The following CLYBL variants were observed in gnomAD, a reference collection of about 807,000 sequenced individuals.
CLYBL encodes the protein citramalyl-CoA lyase, mitochondrial.
A neutral mutation model predicts 38.9 loss-of-function variants in CLYBL; 31 were observed. The observed-to-expected ratio is 0.80, with a 90% confidence interval of 0.60 to 1.08. The LOEUF is 1.08. Among genes scored for constraint, CLYBL ranks in the 50% least tolerant of loss-of-function variants. The probability of loss-of-function intolerance (pLI) is 0.00; values close to 1 mark genes in which losing one functional copy is unlikely to be tolerated. For missense variants in CLYBL, 434 were observed against 411.6 expected (o/e 1.05, Z -0.47); for synonymous variants, 171 against 158.6 (o/e 1.08, Z -0.59).
At chr13:99,850,692 T>C (rs1027787366) in intron 2 of CLYBL, among the ~76,000 whole-genome samples, 2 of 152,006 alleles carry the variant, frequency 1.3e-5, no homozygotes, top group African/African-American at 4.8e-5. Flanking sequence ...CCAAAAGAAT[T>C]GAAAAGAGGG....
intron 1 of CLYBL, among the ~76,000 whole-genome samples, chr13:99,735,264 G>C (rs146566073): frequency 4.9e-4 from 74 of 152,296 alleles, no homozygotes; most frequent in African/African-American, 1.7e-3. Context: ...TGTGATCATA[G>C]CTCACTGCAG....
chr13:99,847,007 C>G (rs1182840945), intron 2 of CLYBL, among the ~76,000 whole-genome samples: 6 of 152,064 alleles, frequency 3.9e-5, no homozygotes, highest in Admixed American at 3.9e-4. Flanking sequence ...TTTTTGATAT[C>G]TGTGTGAAGG....
intron 1 of CLYBL, among the ~76,000 whole-genome samples, chr13:99,747,579 T>C (rs2048876241): frequency 6.6e-6 from 1 of 152,162 alleles, no homozygotes; most frequent in African/African-American, 2.4e-5. Flanking sequence ...CTCTCTGTTT[T>C]CATGGAAAAA....
intron 1 of CLYBL, among the ~76,000 whole-genome samples, chr13:99,744,036 G>A (rs1354380694): frequency 2.2e-5 from 3 of 139,170 alleles, no homozygotes; most frequent in Admixed American, 7.9e-5. Flanking sequence ...GCGGTGGCGC[G>A]ATATCAGCTC....
At chr13:99,721,003 A>G (rs922559469) in intron 1 of CLYBL, among the ~76,000 whole-genome samples, 1 of 147,650 alleles carries the variant, frequency 6.8e-6, no homozygotes, top group Non-Finnish European at 1.5e-5. Flanking sequence ...CATGTCCTGT[A>G]TGATTTCCCC....
chr13:99,780,759 G>C (rs1383010244), intron 2 of CLYBL, among the ~76,000 whole-genome samples: 3 of 148,162 alleles, frequency 2.0e-5, no homozygotes, highest in Admixed American at 1.4e-4. Flanking sequence ...TGTTGCACAG[G>C]CTGTAGTGCA....
intron 2 of CLYBL, among the ~76,000 whole-genome samples, chr13:99,813,378 C>T (rs184935681): frequency 4.9e-4 from 74 of 152,322 alleles, no homozygotes; most frequent in Admixed American, 3.7e-3. Flanking sequence ...AGTGCAAGAA[C>T]AGTAATACTA....
chr13:99,805,261 C>A (rs1261604419), intron 2 of CLYBL, among the ~76,000 whole-genome samples: 11 of 152,218 alleles, frequency 7.2e-5, no homozygotes, highest in Non-Finnish European at 1.2e-4. Context: ...TGCTTTAATT[C>A]TTTTGGGTAT....
intron 1 of CLYBL, among the ~76,000 whole-genome samples, chr13:99,665,639 C>T (rs938245911): frequency 2.0e-5 from 3 of 151,098 alleles, no homozygotes; most frequent in African/African-American, 7.3e-5. Flanking sequence ...TCATGAAAAG[C>T]AGTCTATTTG....
chr13:99,890,259 C>CTT (rs564750985), intron 7 of CLYBL, among the ~76,000 whole-genome samples: 1 of 151,674 alleles, frequency 6.6e-6, no homozygotes, highest in African/African-American at 2.4e-5. Flanking sequence ...AAGATCACTT[C>CTT]TTTTTTTTTC....
intron 1 of CLYBL, among the ~76,000 whole-genome samples, chr13:99,692,235 G>T (rs1037382396): frequency 1.3e-5 from 2 of 151,400 alleles, no homozygotes; most frequent in African/African-American, 4.8e-5. Context: ...AAAAATTGTC[G>T]CTTTATTGAG....
intron 7 of CLYBL, among the ~76,000 whole-genome samples, chr13:99,872,642 G>C (rs1446459389): frequency 6.6e-6 from 1 of 152,212 alleles, no homozygotes; most frequent in Non-Finnish European, 1.5e-5. Context: ...CGAGAGAGCA[G>C]AGTTCCAGTC....
intron 1 of CLYBL, among the ~76,000 whole-genome samples, chr13:99,744,122 G>A (rs1230242081): frequency 1.3e-5 from 2 of 151,824 alleles, no homozygotes; most frequent in African/African-American, 4.8e-5. Flanking sequence ...ACAGGCGCCC[G>A]CCACCACGCC....
At chr13:99,659,846 G>A (rs2047383535) in intron 1 of CLYBL, among the ~76,000 whole-genome samples, 1 of 152,190 alleles carries the variant, frequency 6.6e-6, no homozygotes. Flanking sequence ...TGGAAATAAA[G>A]CAGCATTCTC....
At chr13:99,823,737 A>G (rs1235705128) in intron 2 of CLYBL, among the ~76,000 whole-genome samples, 1 of 152,068 alleles carries the variant, frequency 6.6e-6, no homozygotes, top group African/African-American at 2.4e-5. Context: ...TTTTCTGTGT[A>G]TCTATCACTA....
At chr13:99,718,452 G>A (rs2048350404) in intron 1 of CLYBL, among the ~76,000 whole-genome samples, 1 of 151,822 alleles carries the variant, frequency 6.6e-6, no homozygotes, top group African/African-American at 2.4e-5. Context: ...ACTGGATAAG[G>A]GAGATTCAGG....
At chr13:99,615,513 A>C (rs992959007) in intron 1 of CLYBL, among the ~76,000 whole-genome samples, 8 of 152,220 alleles carry the variant, frequency 5.3e-5, no homozygotes, top group African/African-American at 1.9e-4. Flanking sequence ...GCCGTTACAC[A>C]ATTCCTCATT....
chr13:99,878,225 T>G (rs1408207991), intron 7 of CLYBL, among the ~76,000 whole-genome samples: 1 of 152,248 alleles, frequency 6.6e-6, no homozygotes, highest in African/African-American at 2.4e-5. Context: ...TTCCATCAAT[T>G]ATTTCATCAG....
At chr13:99,674,044 G>A (rs1436121516) in intron 1 of CLYBL, among the ~76,000 whole-genome samples, 4 of 150,452 alleles carry the variant, frequency 2.7e-5, no homozygotes, top group South Asian at 2.1e-4. Context: ...AATGGAGCAC[G>A]CTTTTGTTGG....
Sources: allele counts gnomAD v4.1 joint callset (sites outside exome capture counted in the v4.1 genomes callset), GRCh38; gene constraint gnomAD v4.1.1; transcripts MANE v1.5; gene names NCBI Gene and HGNC (gene_info 2026-07-23, HGNC 2026-07-21).